Variants in GATAD2A observed in about 807,000 individuals in gnomAD.
The protein encoded by GATAD2A is GATA zinc finger domain containing 2A, also known as transcriptional repressor p66-alpha.
In GATAD2A, 12 loss-of-function variants were observed where a neutral mutation model predicts 68.5. The ratio of observed to expected loss-of-function variants is 0.18; its 90% confidence interval spans 0.11 to 0.28. GATAD2A has a LOEUF of 0.28. Ranked by LOEUF, GATAD2A falls within the 10% of genes least tolerant of loss-of-function variation. GATAD2A has a pLI of 1.00. For synonymous variants in GATAD2A, 410 were observed against 375.3 expected, an observed-to-expected ratio of 1.09 and a Z score of -1.07; for missense variants, 755 against 868.5, an observed-to-expected ratio of 0.87 and a Z score of 1.64.
At chr19:19,429,255 G>C (rs79086869) in intron 1 of GATAD2A, 73 of 983,038 alleles carry the variant, frequency 7.4e-5, no homozygotes, top group Admixed American at 4.9e-4. Flanking sequence ...TGAGGGGCTG[G>C]GGGGGAGAGC....
At chr19:19,448,570 C>T (rs1262037735) in intron 1 of GATAD2A, among the ~76,000 whole-genome samples, 1 of 152,164 alleles carries the variant, frequency 6.6e-6, no homozygotes, top group African/African-American at 2.4e-5. Context: ...CCCACTGCAA[C>T]CTCCGCCTGC....
intron 1 of GATAD2A, among the ~76,000 whole-genome samples, chr19:19,445,278 C>G (rs2055580999): frequency 6.6e-6 from 1 of 152,138 alleles, no homozygotes; most frequent in Non-Finnish European, 1.5e-5. Flanking sequence ...GGACCCAGTT[C>G]TGTGCTGTTG....
intron 1 of GATAD2A, among the ~76,000 whole-genome samples, chr19:19,455,496 TAAAAA>T (rs976671921): frequency 6.6e-6 from 1 of 150,530 alleles, no homozygotes; most frequent in East Asian, 1.9e-4. Context: ...CTCTGGGTCT[TAAAAA>T]AAAAATTTTT....
intron 1 of GATAD2A, chr19:19,436,172 G>A (rs764343249): frequency 7.3e-7 from 1 of 1,366,418 alleles, no homozygotes; most frequent in Non-Finnish European, 9.8e-7. Context: ...TGATGTCACT[G>A]TGGCCATGGC....
chr19:19,456,696 C>T (rs955609970), intron 1 of GATAD2A, among the ~76,000 whole-genome samples: 10 of 152,146 alleles, frequency 6.6e-5, no homozygotes, highest in Admixed American at 3.9e-4. Context: ...TGCTCTCATT[C>T]GTGACAGTAA....
intron 1 of GATAD2A, among the ~76,000 whole-genome samples, chr19:19,444,700 G>A (rs749912042): frequency 4.0e-5 from 6 of 151,890 alleles, no homozygotes; most frequent in Non-Finnish European, 8.8e-5. Context: ...GCGAGACCTC[G>A]TCTCTACAAA....
chr19:19,419,179 T>A (rs1247788735), intron 1 of GATAD2A, among the ~76,000 whole-genome samples: 1 of 152,210 alleles, frequency 6.6e-6, no homozygotes, highest in East Asian at 1.9e-4. Context: ...ACACACTCCC[T>A]GTCGAGGGAC....
intron 1 of GATAD2A, chr19:19,464,779 T>TC (rs970818349): frequency 4.0e-4 from 67 of 166,014 alleles, no homozygotes; most frequent in African/African-American, 1.5e-3. Flanking sequence ...TTAAATGTGA[T>TC]CCCCAGTCCC....
At chr19:19,426,592 C>A in intron 1 of GATAD2A, among the ~76,000 whole-genome samples, 1 of 151,580 alleles carries the variant, frequency 6.6e-6, no homozygotes, top group East Asian at 1.9e-4. Flanking sequence ...CTCACTGCAG[C>A]CTCCGCCTCC....
At chr19:19,471,538 A>T (rs1010584422) in intron 2 of GATAD2A, among the ~76,000 whole-genome samples, 2 of 152,198 alleles carry the variant, frequency 1.3e-5, no homozygotes, top group Non-Finnish European at 2.9e-5. Context: ...GGGAGCAGTG[A>T]TTAACAACAC....
intron 5 of GATAD2A, 119 bp from the exon 6 acceptor site, chr19:19,495,634 TA>T (rs3067692): frequency 0.087 from 47,009 of 541,314 alleles, 12 homozygotes; most frequent in East Asian, 0.11. Flanking sequence ...CTCTGCTACT[TA>T]AAAAAAAAAA....
intron 1 of GATAD2A, among the ~76,000 whole-genome samples, chr19:19,411,625 G>T (rs929638769): frequency 2.0e-5 from 3 of 152,198 alleles, no homozygotes; most frequent in Non-Finnish European, 4.4e-5. Context: ...ACGATATGCA[G>T]TTTACCACTC....
At chr19:19,477,036 TGA>T (rs1194621434) in intron 2 of GATAD2A, among the ~76,000 whole-genome samples, 1 of 152,168 alleles carries the variant, frequency 6.6e-6, no homozygotes, top group Non-Finnish European at 1.5e-5. Flanking sequence ...CCCCACTTTG[TGA>T]ATGCCTCTTG....
intron 1 of GATAD2A, among the ~76,000 whole-genome samples, chr19:19,442,662 T>A (rs2055229514): frequency 6.6e-6 from 1 of 150,932 alleles, no homozygotes; most frequent in Non-Finnish European, 1.5e-5. Context: ...AAGCTGGCTG[T>A]GGTTATACGC....
chr19:19,490,446 C>T (rs865797985), intron 2 of GATAD2A, among the ~76,000 whole-genome samples: 21 of 152,150 alleles, frequency 1.4e-4, no homozygotes, highest in Admixed American at 4.6e-4. Flanking sequence ...CGACTCTCCT[C>T]AACCCTGCCG....
chr19:19,424,653 A>G (rs1600088561), intron 1 of GATAD2A, among the ~76,000 whole-genome samples: 1 of 152,088 alleles, frequency 6.6e-6, no homozygotes, highest in African/African-American at 2.4e-5. Flanking sequence ...GATTACAGGC[A>G]TGAGCCATCA....
chr19:19,486,658 T>C (rs1175475114), intron 2 of GATAD2A, among the ~76,000 whole-genome samples: 1 of 152,156 alleles, frequency 6.6e-6, no homozygotes, highest in Non-Finnish European at 1.5e-5. Context: ...CTCTCCATTC[T>C]AGGGGCATGC....
At chr19:19,491,055 T>C (rs2059760669) in intron 2 of GATAD2A, among the ~76,000 whole-genome samples, 1 of 152,150 alleles carries the variant, frequency 6.6e-6, no homozygotes, top group Non-Finnish European at 1.5e-5. Flanking sequence ...GTGTCAGCTG[T>C]ACACATACAT....
rs909834971 is a variant in GATAD2A, at chr19:19,473,966, T to G, written c.269+8352T>G. Reference sequence around the variant, plus strand: ...GTCTCAAAAAAACAAAAACAACACATATTAACACCCAAGCCTTCCAAAACC... The same window carrying G: ...GTCTCAAAAAAACAAAAACAACACAGATTAACACCCAAGCCTTCCAAAACC... On this transcript the variant is annotated intron_variant, in intron 2 of 11. Transcript: ENST00000683918. 9 of 824,208 alleles carry G rather than the reference T, an allele frequency of 1.1e-5. No individual in the cohort carries two copies. The Admixed American group carries it at 3.1e-4, about 29-fold the overall frequency. The allele number at this position is 824,208 out of a possible 1,614,324, so 51.1% of individuals were successfully genotyped here. A position where few individuals can be genotyped will look rare whatever the true frequency, so the allele number is the denominator to read the frequency against.
Sources: allele counts gnomAD v4.1 joint callset (sites outside exome capture counted in the v4.1 genomes callset), GRCh38; gene constraint gnomAD v4.1.1; transcripts MANE v1.5; gene names NCBI Gene and HGNC (gene_info 2026-07-23, HGNC 2026-07-21).